Variants in SUCLG2 observed in about 807,000 individuals in gnomAD.
The protein encoded by SUCLG2 is succinate-CoA ligase GDP-forming subunit beta.
A neutral mutation model predicts 47.9 loss-of-function variants in SUCLG2; 42 were observed. That is an observed-to-expected ratio of 0.88 (90% CI 0.69 to 1.14). The LOEUF (loss-of-function observed/expected upper bound fraction) is 1.14. SUCLG2 is among the 50% of genes most tolerant of loss of function. The pLI, the probability that SUCLG2 is intolerant of heterozygous loss-of-function variation, is 0.00. For synonymous variants in SUCLG2, 195 were observed against 197.3 expected, an observed-to-expected ratio of 0.99 and a Z score of 0.10; for missense variants, 571 against 525.9, an observed-to-expected ratio of 1.09 and a Z score of -0.84.
At chr3:67,443,469 C>A (rs1703828124) in intron 9 of SUCLG2, among the ~76,000 whole-genome samples, 1 of 74,380 alleles carries the variant, frequency 1.3e-5, no homozygotes, top group African/African-American at 4.8e-5. Context: ...TGCCCGGCCG[C>A]CACCCCGTCT....
intron 9 of SUCLG2, among the ~76,000 whole-genome samples, chr3:67,474,760 T>C (rs972994955): frequency 6.6e-6 from 1 of 152,228 alleles, no homozygotes; most frequent in Non-Finnish European, 1.5e-5. Context: ...CCCATACACA[T>C]GTCCAGGGCA....
chr3:67,454,534 G>T (rs1704134285), intron 9 of SUCLG2, among the ~76,000 whole-genome samples: 1 of 152,046 alleles, frequency 6.6e-6, no homozygotes, highest in Admixed American at 6.6e-5. Flanking sequence ...TCTCTATAGA[G>T]ATATATGTAG....
intron 9 of SUCLG2, among the ~76,000 whole-genome samples, chr3:67,487,644 A>C (rs1705092960): frequency 1.3e-5 from 2 of 152,164 alleles, no homozygotes; most frequent in South Asian, 2.1e-4. Context: ...AAGAAAAAGA[A>C]TTTAAAAATG....
intron 9 of SUCLG2, among the ~76,000 whole-genome samples, chr3:67,412,019 C>T (rs892933713): frequency 2.0e-5 from 3 of 152,158 alleles, no homozygotes; most frequent in African/African-American, 4.8e-5. Flanking sequence ...TCATTCTACA[C>T]TGACCAGCAG....
intron 9 of SUCLG2, among the ~76,000 whole-genome samples, chr3:67,412,732 G>C (rs1702957294): frequency 6.6e-6 from 1 of 152,018 alleles, no homozygotes; most frequent in South Asian, 2.1e-4. Flanking sequence ...CTCAGCATTG[G>C]GACAGAAGCG....
At chr3:67,391,981 T>C (rs957073136) in intron 10 of SUCLG2, among the ~76,000 whole-genome samples, 2 of 152,202 alleles carry the variant, frequency 1.3e-5, no homozygotes, top group Admixed American at 6.5e-5. Flanking sequence ...GCTGCTGTCA[T>C]TGGAGACGTG....
intron 10 of SUCLG2, among the ~76,000 whole-genome samples, chr3:67,390,597 C>G (rs937307827): frequency 1.3e-5 from 2 of 151,728 alleles, no homozygotes; most frequent in Non-Finnish European, 2.9e-5. Flanking sequence ...GGAAATTCAG[C>G]CTTTGTAACC....
intron 2 of SUCLG2, among the ~76,000 whole-genome samples, chr3:67,545,307 T>C (rs1380813058): frequency 6.6e-6 from 1 of 152,156 alleles, no homozygotes; most frequent in African/African-American, 2.4e-5. Context: ...TTAAAGTTTG[T>C]AAAGTGGTCA....
At chr3:67,431,688 T>A (rs919370402) in intron 9 of SUCLG2, among the ~76,000 whole-genome samples, 2 of 142,706 alleles carry the variant, frequency 1.4e-5, no homozygotes. Context: ...AACTGAACAA[T>A]CAGAACACTT....
At chr3:67,592,740 CAAAA>C (rs1187452813) in intron 2 of SUCLG2, among the ~76,000 whole-genome samples, 7 of 51,848 alleles carry the variant, frequency 1.4e-4, no homozygotes, top group East Asian at 6.7e-4. Context: ...AAAAAAACAA[CAAAA>C]AAAAACTGAA....
At chr3:67,408,871 G>T in intron 9 of SUCLG2, 2 of 1,461,298 alleles carry the variant, frequency 1.4e-6, no homozygotes, top group Non-Finnish European at 1.8e-6. Context: ...TTACTGTAAA[G>T]TCCATGTTCG....
chr3:67,440,022 C>G (rs1703718481), intron 9 of SUCLG2, among the ~76,000 whole-genome samples: 1 of 152,066 alleles, frequency 6.6e-6, no homozygotes, highest in African/African-American at 2.4e-5. Flanking sequence ...GGTATTAGTA[C>G]CAAAACAGAT....
intron 9 of SUCLG2, among the ~76,000 whole-genome samples, chr3:67,456,781 T>G (rs1704196684): frequency 6.6e-6 from 1 of 152,200 alleles, no homozygotes; most frequent in Non-Finnish European, 1.5e-5. Context: ...TGAAACTTTC[T>G]TGAGGATATT....
intron 6 of SUCLG2, among the ~76,000 whole-genome samples, chr3:67,510,969 C>A (rs1448136494): frequency 1.3e-5 from 2 of 150,278 alleles, no homozygotes; most frequent in African/African-American, 4.9e-5. Context: ...CAGCTCACTG[C>A]AACCTCCACC....
chr3:67,640,025 TAGCATAATTAAAAAATAA>T (rs549295293), intron 1 of SUCLG2, among the ~76,000 whole-genome samples: 249 of 152,320 alleles, frequency 1.6e-3, no homozygotes, highest in African/African-American at 5.8e-3. Flanking sequence ...TAGAAGGAGA[TAGCATAATTAAAAAATAA>T]AAGGGATTCA....
At chr3:67,404,498 A>G (rs1702758633) in intron 9 of SUCLG2, among the ~76,000 whole-genome samples, 1 of 152,136 alleles carries the variant, frequency 6.6e-6, no homozygotes. Context: ...AGCAATTGAG[A>G]TTTCTACAAG....
intron 2 of SUCLG2, among the ~76,000 whole-genome samples, chr3:67,557,716 A>T (rs1004579838): frequency 1.3e-5 from 2 of 152,188 alleles, no homozygotes; most frequent in African/African-American, 2.4e-5. Flanking sequence ...CATCAGAATC[A>T]CTTGTAGTGC....
In SUCLG2 at chr3:67,587,922, C is replaced by A. The variant is rs1173784007; in HGVS notation, c.226+21533G>T. Among the ~76,000 whole-genome samples the A allele has an allele frequency of 3.9e-5, 6 of 152,172 alleles. No individual in the cohort carries two copies. In the East Asian group the frequency reaches 1.2e-3, roughly 29 times the overall value. On this transcript the variant is annotated intron_variant, in intron 2 of 10. Coordinates refer to ENST00000307227, the MANE Select transcript of SUCLG2 (RefSeq NM_003848.4). ...ATAATATTTTCCTACTACTTTGTTA[C>A]ATGCACATTTGCCAAAATTTCCCTA...
At chr3:67,411,647 T>C (rs891030932) in intron 9 of SUCLG2, among the ~76,000 whole-genome samples, 1 of 152,186 alleles carries the variant, frequency 6.6e-6, no homozygotes, top group Admixed American at 6.6e-5. Flanking sequence ...CACTAGTATA[T>C]TTGTGAAAGG....
Sources: gnomAD v4.1 joint callset for allele counts (sites outside exome capture counted in the v4.1 genomes callset) on GRCh38, gnomAD v4.1.1 for gene constraint, MANE v1.5 for transcripts, NCBI Gene and HGNC (gene_info 2026-07-23, HGNC 2026-07-21) for gene names.